Variants in COL4A5 observed in about 807,000 individuals in gnomAD.
COL4A5 encodes collagen type IV alpha 5 chain, also known as collagen alpha-5(IV) chain.
Under a neutral mutation model 130.2 loss-of-function variants are expected in COL4A5, and 26 were observed. That is an observed-to-expected ratio of 0.20 (90% CI 0.15 to 0.28). The LOEUF (loss-of-function observed/expected upper bound fraction) is 0.28. COL4A5 is among the 10% of genes least tolerant of loss of function. The pLI is 1.00. For synonymous variants in COL4A5, 496 were observed against 439.6 expected, an observed-to-expected ratio of 1.13 and a Z score of -1.60; for missense variants, 1,131 against 1,344.3, an observed-to-expected ratio of 0.84 and a Z score of 2.48.
At chrX:108,665,165 A>G (rs980930638) in intron 37 of COL4A5, among the ~76,000 whole-genome samples, 1 of 112,127 alleles carries the variant, frequency 8.9e-6, no homozygotes, top group East Asian at 2.8e-4. Context: ...AGGAAAGTGG[A>G]TATTTGTAAT....
chrX:108,639,164 T>C (rs1375772876), intron 36 of COL4A5, among the ~76,000 whole-genome samples: 10 of 111,149 alleles, frequency 9.0e-5, no homozygotes, highest in Non-Finnish European at 1.9e-4. Flanking sequence ...TACAAAGTTA[T>C]AGTAATCAAA....
intron 8 of COL4A5, among the ~76,000 whole-genome samples, chrX:108,572,241 C>T (rs185652198): frequency 9.0e-6 from 1 of 111,634 alleles, no homozygotes; most frequent in Non-Finnish European, 1.9e-5. Flanking sequence ...CATCAAGCAT[C>T]AGGTCACAGT....
rs973951246 is a variant in COL4A5 at position 108,606,868 on chromosome X, T to G, written c.2371T>G (p.Leu791Val). 2.5e-6 allele frequency: 3 copies of G among 1,209,638 alleles called. No individual in the cohort carries two copies. The African/African-American group carries it at 5.3e-5, about 21-fold the overall frequency. ...TCCGGGTCCTCCAGGACGCACTGGC[T>G]TAGATGGGCTCCCTGGACCAAAAGG... The part of the protein sequence containing the change: ...GPPGPPGRTG[L>V]DGLPGPKGDV... The change falls in exon 29 of 53, where the codon TTA becomes GTA. Residue 791 changes from leucine (L) to valine (V), a missense_variant. Leu to Val is a conservative substitution (Grantham distance 32). Coordinates refer to ENST00000328300, the MANE Select transcript of COL4A5 (RefSeq NM_033380.3).
At chrX:108,514,594 G>T (rs1381899308) in intron 1 of COL4A5, among the ~76,000 whole-genome samples, 1 of 111,967 alleles carries the variant, frequency 8.9e-6, no homozygotes, top group African/African-American at 3.2e-5. Context: ...TGAGGAAAGA[G>T]ATAAAAGAAA....
At chrX:108,578,253 T>C in intron 12 of COL4A5, 38 bp from the exon 13 acceptor site, 2 of 1,151,672 alleles carry the variant, frequency 1.7e-6, no homozygotes, top group Non-Finnish European at 2.4e-6. Context: ...GTGGAGATTA[T>C]GAAGTATCAC....
chrX:108,469,834 G>A (rs2064746190), intron 1 of COL4A5, among the ~76,000 whole-genome samples: 1 of 111,522 alleles, frequency 9.0e-6, no homozygotes, highest in Non-Finnish European at 1.9e-5. Context: ...CTCTCTTTGT[G>A]TCTGTGTGTA....
intron 1 of COL4A5, among the ~76,000 whole-genome samples, chrX:108,449,989 G>T (rs1468045061): frequency 9.0e-6 from 1 of 111,639 alleles, no homozygotes; most frequent in Non-Finnish European, 1.9e-5. Flanking sequence ...AAAATTACTG[G>T]TGCAGTGTAC....
intron 36 of COL4A5, among the ~76,000 whole-genome samples, chrX:108,648,041 T>C (rs2067641304): frequency 9.0e-6 from 1 of 111,201 alleles, no homozygotes; most frequent in Non-Finnish European, 1.9e-5. Context: ...TCTAAAATTC[T>C]CTTTTTTTGT....
At chrX:108,648,323 A>T (rs2067652165) in intron 36 of COL4A5, among the ~76,000 whole-genome samples, 1 of 111,595 alleles carries the variant, frequency 9.0e-6, no homozygotes, top group African/African-American at 3.3e-5. Flanking sequence ...TCTGCCAGAC[A>T]TTCAAAGAAG....
chrX:108,590,172 AT>A (rs764834415), intron 19 of COL4A5, among the ~76,000 whole-genome samples: 1 of 111,600 alleles, frequency 9.0e-6, no homozygotes, highest in South Asian at 3.7e-4. Flanking sequence ...AGACCATCTG[AT>A]TATCTACCAG....
intron 1 of COL4A5, among the ~76,000 whole-genome samples, chrX:108,531,497 A>T (rs2065385689): frequency 9.0e-6 from 1 of 110,543 alleles, no homozygotes; most frequent in African/African-American, 3.3e-5. Context: ...CCTACATTAA[A>T]AACGTAGAAA....
intron 1 of COL4A5, among the ~76,000 whole-genome samples, chrX:108,526,055 A>G (rs1209145553): frequency 3.6e-5 from 4 of 111,453 alleles, no homozygotes; most frequent in African/African-American, 1.3e-4. Flanking sequence ...CTTGGAACAG[A>G]GCTTCTATAA....
intron 44 of COL4A5, among the ~76,000 whole-genome samples, chrX:108,679,916 G>A (rs1242795158): frequency 8.9e-6 from 1 of 112,201 alleles, no homozygotes; most frequent in African/African-American, 3.2e-5. Context: ...AGATCTAGAG[G>A]AGAAAAAGGA....
Position 108,598,768 on chromosome X carries a change from A to T in COL4A5, c.1846A>T (p.Asn616Tyr), listed in dbSNP as rs779415083. 2 of 1,210,133 alleles carry T rather than the reference A, an allele frequency of 1.7e-6. No individual in the cohort carries two copies. The highest frequency in any genetic ancestry group is 2.2e-6 in the Non-Finnish European group (2 of 894,183). The change falls in exon 25 of 53, where the codon AAT becomes TAT. Residue 616 changes from asparagine to tyrosine, a missense_variant. Physicochemically the swap from Asn to Tyr is moderately radical, Grantham distance 143. Coordinates refer to ENST00000328300, the MANE Select transcript of COL4A5 (RefSeq NM_033380.3). Reference sequence around the variant, plus strand: ...CCCAGGTTTACCAGGCCTCCCAGGGAATATAGGGCCTATGGGTCCCCCTGG... The same window carrying T: ...CCCAGGTTTACCAGGCCTCCCAGGGTATATAGGGCCTATGGGTCCCCCTGG... ...GNPGLPGLPG[N>Y]IGPMGPPGFG... is the part of the protein sequence containing the mutation.
chrX:108,626,717 A>C, intron 36 of COL4A5: 3 of 904,728 alleles, frequency 3.3e-6, no homozygotes, highest in Non-Finnish European at 4.1e-6. Flanking sequence ...CTTATAAACA[A>C]AGTGACAGTT....
In COL4A5 at chrX:108,543,529, A is replaced by C. The variant is rs1397063922; in HGVS notation, c.141+3724A>C. On this transcript the variant is annotated intron_variant, in intron 2 of 52. Coordinates refer to ENST00000328300, the MANE Select transcript of COL4A5 (RefSeq NM_033380.3). The stretch of plus-strand genomic sequence containing the variant: ...ACTGTAGCCTTGTAGTATAGTTTGA[A>C]GTCAGGTAGTATGATGCCTCCAGCT... Among the ~76,000 whole-genome samples, 3 of 111,272 alleles carry C rather than the reference A, an allele frequency of 2.7e-5. No homozygotes were observed. The South Asian group carries it at 1.1e-3, about 42-fold the overall frequency.
chrX:108,602,934 G>A (rs1387302140), intron 27 of COL4A5, 30 bp from the exon 28 acceptor site: 1 of 1,019,837 alleles, frequency 9.8e-7, no homozygotes, highest in Non-Finnish European at 1.4e-6. Flanking sequence ...CTTTCCTTTG[G>A]TGGTTAAAAA....
At chrX:108,643,409 G>A (rs761769293) in intron 36 of COL4A5, among the ~76,000 whole-genome samples, 2 of 111,516 alleles carry the variant, frequency 1.8e-5, no homozygotes, top group African/African-American at 3.3e-5. Flanking sequence ...TAGGGACATC[G>A]TCATCAGGTT....
chrX:108,677,015 A>G (rs1181715936), intron 43 of COL4A5: 4 of 112,250 alleles, frequency 3.6e-5, no homozygotes, highest in African/African-American at 6.5e-5. Context: ...TCAATCTATA[A>G]CTGAACAATC....
Sources: gnomAD v4.1 joint callset for allele counts (sites outside exome capture counted in the v4.1 genomes callset) on GRCh38, gnomAD v4.1.1 for gene constraint, MANE v1.5 for transcripts, NCBI Gene and HGNC (gene_info 2026-07-23, HGNC 2026-07-21) for gene names.